Variants in ADARB1 observed in about 807,000 individuals in gnomAD.
ADARB1 encodes the protein adenosine deaminase RNA specific B1, also known as double-stranded RNA-specific editase 1.
Under a neutral mutation model 52.4 loss-of-function variants are expected in ADARB1, and 10 were observed. That is an observed-to-expected ratio of 0.19 (90% confidence interval 0.12 to 0.32). ADARB1 has a LOEUF of 0.32. Among genes scored for constraint, ADARB1 ranks in the 10% least tolerant of loss-of-function variants. The pLI is 1.00. For missense variants in ADARB1, 643 were observed against 922.3 expected (o/e 0.70, Z 3.92); for synonymous variants, 349 against 371.1 (o/e 0.94, Z 0.68).
At chr21:45,181,476 A>G (rs1332970168) in intron 5 of ADARB1, 5 of 152,202 alleles carry the variant, frequency 3.3e-5, no homozygotes, top group African/African-American at 1.2e-4. Context: ...TACATTAATC[A>G]AAGGTGAACA....
intron 9 of ADARB1, among the ~76,000 whole-genome samples, chr21:45,212,670 CTGAT>C (rs1201660072): frequency 6.6e-6 from 1 of 151,996 alleles, no homozygotes; most frequent in Non-Finnish European, 1.5e-5. Context: ...ATGATCTTGG[CTGAT>C]TGTTTTCCTT....
At chr21:45,140,109 A>G (rs963537915) in intron 2 of ADARB1, among the ~76,000 whole-genome samples, 2 of 152,024 alleles carry the variant, frequency 1.3e-5, no homozygotes, top group South Asian at 4.2e-4. Flanking sequence ...ATGCCCGGCT[A>G]ATTTTGTATT....
At position 45,222,659 on chromosome 21, in the gene ADARB1, AG is replaced by A; in HGVS notation, c.*463del. On this transcript the variant is annotated 3_prime_UTR_variant, in exon 11 of 11. Coordinates refer to ENST00000348831, the MANE Select transcript of ADARB1 (RefSeq NM_001112.4). ...TGCCACATTATTTTAATTGCAAAAAAGCATCTATATATGGAGGAGGGTGGGA... is the reference window on the plus strand; with the variant it reads ...TGCCACATTATTTTAATTGCAAAAAACATCTATATATGGAGGAGGGTGGGA... The A allele has an allele frequency of 1.0e-6, 1 of 988,994 alleles. No individual in the cohort carries two copies. The highest frequency in any genetic ancestry group is 1.2e-6 in the Non-Finnish European group (1 of 832,416). 61.3% of individuals were successfully genotyped at this position (988,994 alleles called of 1,614,324 possible).
At chr21:45,107,627 A>G (rs972864838) in intron 1 of ADARB1, among the ~76,000 whole-genome samples, 4 of 152,190 alleles carry the variant, frequency 2.6e-5, no homozygotes, top group South Asian at 2.1e-4. Flanking sequence ...TCTTGGGACA[A>G]TTGGACTCCA....
chr21:45,136,323 A>C (rs1412582226), intron 2 of ADARB1, among the ~76,000 whole-genome samples: 1 of 152,116 alleles, frequency 6.6e-6, no homozygotes, highest in Non-Finnish European at 1.5e-5. Flanking sequence ...GCTCTTAAAA[A>C]CATGTGGACC....
intron 3 of ADARB1, among the ~76,000 whole-genome samples, chr21:45,173,140 A>T (rs2091556424): frequency 6.6e-6 from 1 of 152,200 alleles, no homozygotes; most frequent in African/African-American, 2.4e-5. Context: ...ACTATCCCCA[A>T]ACTGATCCTG....
At chr21:45,132,429 G>A (rs934402918) in intron 2 of ADARB1, 1 of 152,208 alleles carries the variant, frequency 6.6e-6, no homozygotes, top group Non-Finnish European at 1.5e-5. Flanking sequence ...GAACTAGGAA[G>A]CCAGACCCAA....
intron 3 of ADARB1, among the ~76,000 whole-genome samples, chr21:45,174,392 A>G (rs1482694823): frequency 6.6e-6 from 1 of 152,116 alleles, no homozygotes; most frequent in African/African-American, 2.4e-5. Flanking sequence ...TGAACACTTT[A>G]TACTCCTCTT....
chr21:45,190,539 A>G (rs1569144466), intron 8 of ADARB1, among the ~76,000 whole-genome samples: 1 of 152,080 alleles, frequency 6.6e-6, no homozygotes, highest in East Asian at 1.9e-4. Flanking sequence ...GTGCTTTGCT[A>G]ATATTTGGGC....
At position 45,222,054 on chromosome 21, in the gene ADARB1, C is replaced by T. The variant is rs1293880209; in HGVS notation, c.1963C>T (p.Pro655Ser). ...CTTACTACGCTCCAAGATTACCAAG[C>T]CCAACGTGTACCATGAGTCCAAGCT... ...SHLLRSKITKPNVYHESKLAA... is the reference protein window; with the variant it reads ...SHLLRSKITKSNVYHESKLAA... Residue 655 changes from proline to serine, a missense_variant, in exon 11 of 11, where the codon CCC (proline) becomes TCC (serine). Pro to Ser is a moderately conservative substitution (Grantham distance 74). Transcript: ENST00000348831. The T allele has an allele frequency of 1.9e-6, 3 of 1,613,588 alleles. No homozygotes were observed. Among genetic ancestry groups the T allele is most frequent in the South Asian group, 1.1e-5 (1 of 91,088 alleles).
In ADARB1 at chr21:45,224,247, C is replaced by G; in HGVS notation, c.*2050C>G. 1 of 985,448 alleles carries G rather than the reference C, an allele frequency of 1.0e-6. No individual in the cohort carries two copies. Among genetic ancestry groups the G allele is most frequent in the Non-Finnish European group, 1.2e-6 (1 of 829,952 alleles). 61.0% of individuals were successfully genotyped at this position (985,448 alleles called of 1,614,324 possible). ...TAATATATTCCATATACATACAAAA[C>G]TACCCGGTATGTCTGGCTTTTCCCT... On this transcript the variant is annotated 3_prime_UTR_variant, in exon 11 of 11. Transcript: ENST00000348831.
chr21:45,123,163 C>A (rs550625353), intron 1 of ADARB1, among the ~76,000 whole-genome samples: 1 of 152,186 alleles, frequency 6.6e-6, no homozygotes, highest in Non-Finnish European at 1.5e-5. Context: ...AATTGCATGT[C>A]CATGTAACTC....
chr21:45,075,400 G>C (rs1412242831), intron 1 of ADARB1, among the ~76,000 whole-genome samples: 1 of 151,974 alleles, frequency 6.6e-6, no homozygotes, highest in Admixed American at 6.5e-5. Context: ...GGGAGGGGAC[G>C]CTGTGCCACG....
Position 45,128,119 on chromosome 21 carries a change from T to C in ADARB1, c.-219-283T>C, listed in dbSNP as rs986289916. On this transcript the variant is annotated intron_variant, in intron 1 of 10. Transcript: ENST00000348831. The surrounding 1 kb of genome is among the most constrained non-coding windows in gnomAD (Gnocchi z 4.6). ...CTGCCTGAGACTCCAGTCCTCAGTG[T>C]GTGGCCTGGTGCCGCTGATGCCGAG... Among the ~76,000 whole-genome samples the C allele has an allele frequency of 3.9e-5, 6 of 152,376 alleles. No homozygotes were observed. The highest frequency in any genetic ancestry group is 1.4e-4 in the African/African-American group (6 of 41,592).
intron 2 of ADARB1, chr21:45,145,400 T>C (rs1317395122): frequency 1.3e-5 from 2 of 152,312 alleles, no homozygotes; most frequent in African/African-American, 4.8e-5. Context: ...ATGGCTAGTG[T>C]GAACAGTTCC....
intron 3 of ADARB1, among the ~76,000 whole-genome samples, chr21:45,174,807 A>G (rs2091629829): frequency 2.0e-5 from 3 of 152,226 alleles, no homozygotes; most frequent in Admixed American, 2.0e-4. Context: ...AATTGTCTGT[A>G]TTAATTCAAA....
Position 45,224,581 on chromosome 21 carries a change from AG to A in ADARB1, c.*2389del. 1.2e-5 allele frequency: 3 copies of A among 242,882 alleles called. No individual in the cohort carries two copies. The highest frequency in any genetic ancestry group is 1.4e-5 in the Non-Finnish European group (3 of 219,588). 15.0% of individuals were successfully genotyped at this position (242,882 alleles called of 1,614,324 possible). The stretch of plus-strand genomic sequence containing the variant: ...GAACTGGGTTCGGGGTGCCCTGGGC[AG>A]GGGGCTACTGGGGGGCGGCTGTGAG... On this transcript the variant is annotated 3_prime_UTR_variant, in exon 11 of 11. Coordinates refer to ENST00000348831, the MANE Select transcript of ADARB1 (RefSeq NM_001112.4).
chr21:45,184,777 T>G, intron 7 of ADARB1, 146 bp from the exon 8 acceptor site: 1 of 915,504 alleles, frequency 1.1e-6, no homozygotes, highest in Non-Finnish European at 1.7e-6. Flanking sequence ...TTATTTTGTA[T>G]GTGTATTTTG....
At chr21:45,189,801 T>C (rs1267664699) in intron 8 of ADARB1, among the ~76,000 whole-genome samples, 1 of 152,024 alleles carries the variant, frequency 6.6e-6, no homozygotes, top group Non-Finnish European at 1.5e-5. Flanking sequence ...GCAAGGTTTC[T>C]GCTGAGAAAG....
Sources: allele counts gnomAD v4.1 joint callset (sites outside exome capture counted in the v4.1 genomes callset), GRCh38; gene constraint gnomAD v4.1.1; non-coding constraint Gnocchi (gnomAD v3.1); transcripts MANE v1.5; gene names NCBI Gene and HGNC (gene_info 2026-07-23, HGNC 2026-07-21).